Variants in PRKCA observed in about 807,000 individuals in gnomAD.
PRKCA encodes the protein protein kinase C alpha type.
PRKCA carries 27 observed loss-of-function variants against 87.0 expected under a neutral mutation model. The observed-to-expected ratio is 0.31, with a 90% CI of 0.23 to 0.43. The LOEUF (loss-of-function observed/expected upper bound fraction) is 0.43, where lower values mean the gene tolerates loss of function less well. Ranked by LOEUF, PRKCA falls within the 20% of genes least tolerant of loss-of-function variation. The probability of loss-of-function intolerance (pLI) is 1.00; values close to 1 mark genes in which losing one functional copy is unlikely to be tolerated. For missense variants in PRKCA, 518 were observed against 852.3 expected, an observed-to-expected ratio of 0.61 and a Z score of 4.88; for synonymous variants, 329 against 311.1, an observed-to-expected ratio of 1.06 and a Z score of -0.61.
At chr17:66,620,741 G>A (rs1423988691) in intron 3 of PRKCA, among the ~76,000 whole-genome samples, 1 of 152,122 alleles carries the variant, frequency 6.6e-6, no homozygotes, top group Non-Finnish European at 1.5e-5. Flanking sequence ...GCTCACTATC[G>A]GCAGTCCACA....
At chr17:66,781,177 C>G (rs767671953) in intron 14 of PRKCA, among the ~76,000 whole-genome samples, 1 of 152,184 alleles carries the variant, frequency 6.6e-6, no homozygotes, top group Non-Finnish European at 1.5e-5. Context: ...TGCTATTCAC[C>G]AGGTACTCCC....
intron 8 of PRKCA, among the ~76,000 whole-genome samples, chr17:66,707,119 A>G (rs544731212): frequency 5.9e-5 from 9 of 152,034 alleles, no homozygotes; most frequent in Non-Finnish European, 8.8e-5. Context: ...TTCATCCACC[A>G]TGCTCATTAA....
At chr17:66,682,545 G>A (rs969986985) in intron 5 of PRKCA, among the ~76,000 whole-genome samples, 1 of 152,232 alleles carries the variant, frequency 6.6e-6, no homozygotes. Context: ...GGCAGACCTC[G>A]GGGAGCAGTC....
At chr17:66,706,421 G>T (rs1973192846) in intron 8 of PRKCA, among the ~76,000 whole-genome samples, 2 of 151,794 alleles carry the variant, frequency 1.3e-5, no homozygotes. Context: ...AGATCGCAAG[G>T]TCAGGAGATC....
intron 3 of PRKCA, among the ~76,000 whole-genome samples, chr17:66,538,896 A>T (rs1967881514): frequency 1.3e-5 from 2 of 152,172 alleles, no homozygotes; most frequent in Non-Finnish European, 2.9e-5. Flanking sequence ...CAGCATCGCC[A>T]TTTCTGCTGA....
At chr17:66,715,259 C>A (rs1332678064) in intron 8 of PRKCA, among the ~76,000 whole-genome samples, 1 of 151,860 alleles carries the variant, frequency 6.6e-6, no homozygotes, top group Non-Finnish European at 1.5e-5. Flanking sequence ...CCAGTTATAG[C>A]TTGGGTGCGT....
chr17:66,461,762 T>G (rs1914863128), intron 2 of PRKCA, among the ~76,000 whole-genome samples: 1 of 152,186 alleles, frequency 6.6e-6, no homozygotes, highest in Non-Finnish European at 1.5e-5. Context: ...AGAGGCATTC[T>G]GTGGGTTTCA....
At chr17:66,591,841 C>T (rs1489015939) in intron 3 of PRKCA, among the ~76,000 whole-genome samples, 1 of 152,066 alleles carries the variant, frequency 6.6e-6, no homozygotes, top group African/African-American at 2.4e-5. Flanking sequence ...TTATAAAAAC[C>T]TAAACATAAC....
rs1336304212 is a variant in PRKCA at position 66,689,764 on chromosome 17, G to A, written c.918+717G>A. Among the ~76,000 whole-genome samples, 2 of 152,082 alleles carry A rather than the reference G, an allele frequency of 1.3e-5. No homozygotes were observed. Among genetic ancestry groups the A allele is most frequent in the African/African-American group, 4.8e-5 (2 of 41,404 alleles). On this transcript the variant is annotated intron_variant, in intron 8 of 16. Transcript: ENST00000413366. This position sits in a 1 kb window ranked among gnomAD's most constrained non-coding sequence, Gnocchi z 4.1. ...GTAAGCACCTTCCTTATGTTTTAAA[G>A]GCACAACTTCTAATATTTGTCTGTT...
chr17:66,400,450 G>A (rs1460528935), intron 2 of PRKCA, among the ~76,000 whole-genome samples: 6 of 152,158 alleles, frequency 3.9e-5, no homozygotes, highest in Non-Finnish European at 8.8e-5. Context: ...CCATGCCTGG[G>A]TTAACTATAG....
At chr17:66,392,934 G>A (rs147757848) in intron 2 of PRKCA, among the ~76,000 whole-genome samples, 111 of 152,152 alleles carry the variant, frequency 7.3e-4, no homozygotes, top group African/African-American at 2.6e-3. Context: ...TCCAACAGTC[G>A]GGAAGCAAGC....
rs1026209326 is a variant in PRKCA, at chr17:66,810,737, A to C, written c.*6700A>C. The C allele has an allele frequency of 2.6e-5, 4 of 152,064 alleles. No individual in the cohort carries two copies. Among genetic ancestry groups the C allele is most frequent in the Admixed American group, 1.3e-4 (2 of 15,274 alleles). The allele number at this position is 152,064 out of a possible 1,614,324, so 9.4% of individuals were successfully genotyped here. A position where few individuals can be genotyped will look rare whatever the true frequency, so the allele number is the denominator to read the frequency against. ...CAAGTGTGTATGAATAAAGATAATG[A>C]TCATTCCTTTGTGTAGTTGGCCTTA... On this transcript the variant is annotated 3_prime_UTR_variant, in exon 17 of 17. Coordinates refer to ENST00000413366, the MANE Select transcript of PRKCA (RefSeq NM_002737.3).
intron 2 of PRKCA, among the ~76,000 whole-genome samples, chr17:66,356,819 A>G (rs1025291349): frequency 3.9e-5 from 6 of 152,088 alleles, no homozygotes; most frequent in African/African-American, 1.4e-4. Flanking sequence ...GAGTGGTGTG[A>G]TTTCAGCTCA....
chr17:66,343,148 A>G (rs1328616608), intron 2 of PRKCA, among the ~76,000 whole-genome samples: 1 of 151,774 alleles, frequency 6.6e-6, no homozygotes, highest in Non-Finnish European at 1.5e-5. Context: ...GAGAGGGAGC[A>G]TCTTGTTTGG....
At chr17:66,435,872 T>C (rs114099894) in intron 2 of PRKCA, among the ~76,000 whole-genome samples, 1,572 of 151,990 alleles carry the variant, frequency 0.01, 25 homozygotes, top group African/African-American at 0.036. Flanking sequence ...ATAAAGGAGA[T>C]TGCGTGTTTG....
rs192541736 is a variant in PRKCA, at chr17:66,322,204, A to G, written c.205+16077A>G. On this transcript the variant is annotated intron_variant, in intron 2 of 16. Coordinates refer to ENST00000413366, the MANE Select transcript of PRKCA (RefSeq NM_002737.3). ...TTGCCTGGTCTCTTAGGAGAGATGA[A>G]ATAGGAATTCATGGAGCCTCAGAGA... 5.5e-4 allele frequency among the ~76,000 whole-genome samples: 84 copies of G among 152,246 alleles called. 1 individual carries two copies. Among genetic ancestry groups the G allele is most frequent in the South Asian group, 5.0e-3 (24 of 4,816 alleles).
intron 4 of PRKCA, among the ~76,000 whole-genome samples, chr17:66,643,701 A>G (rs1368108653): frequency 1.3e-5 from 2 of 152,030 alleles, no homozygotes; most frequent in African/African-American, 4.8e-5. Flanking sequence ...CTTTCTGGAG[A>G]CAGGAGGAGA....
chr17:66,747,510 G>A (rs181777538), intron 13 of PRKCA, among the ~76,000 whole-genome samples: 40 of 152,330 alleles, frequency 2.6e-4, no homozygotes, highest in Middle Eastern at 3.4e-3. Flanking sequence ...GAGCACTTCT[G>A]ACTTGCCACA....
intron 8 of PRKCA, among the ~76,000 whole-genome samples, chr17:66,705,368 G>A (rs1278177484): frequency 6.6e-6 from 1 of 152,200 alleles, no homozygotes; most frequent in African/African-American, 2.4e-5. Flanking sequence ...AAGCAAGACA[G>A]CCTCTGAAAG....
Sources: allele counts gnomAD v4.1 joint callset (sites outside exome capture counted in the v4.1 genomes callset), GRCh38; gene constraint gnomAD v4.1.1; non-coding constraint Gnocchi (gnomAD v3.1); transcripts MANE v1.5; gene names NCBI Gene and HGNC (gene_info 2026-07-23, HGNC 2026-07-21).